SLC4A4: variants seen among roughly 807,000 people sequenced by gnomAD.
SLC4A4 encodes electrogenic sodium bicarbonate cotransporter 1.
SLC4A4 carries 27 observed loss-of-function variants against 111.5 expected under a neutral mutation model. That is an observed-to-expected ratio of 0.24 (90% CI 0.18 to 0.33). SLC4A4 has a LOEUF of 0.33. SLC4A4 is among the 10% of genes least tolerant of loss of function. The probability of loss-of-function intolerance (pLI) is 1.00; values close to 1 mark genes in which losing one functional copy is unlikely to be tolerated. For missense variants in SLC4A4, 909 were observed against 1,315.5 expected (o/e 0.69, Z 4.78); for synonymous variants, 443 against 463.4 (o/e 0.96, Z 0.57).
At chr4:71,090,064 A>C (rs1742333617) in intron 1 of SLC4A4, among the ~76,000 whole-genome samples, 1 of 151,964 alleles carries the variant, frequency 6.6e-6, no homozygotes, top group South Asian at 2.1e-4. Context: ...CTTCCTCGCC[A>C]GTTTGTTTAC....
In SLC4A4 at chr4:71,292,842, G is replaced by GTTT. The variant is rs869195687; in HGVS notation, c.253+37460_253+37462dup. On this transcript the variant is annotated intron_variant, in intron 3 of 25. Coordinates refer to ENST00000264485, the MANE Select transcript of SLC4A4 (RefSeq NM_001098484.3). ...GTATGTCTTACTTTTGGTTTTTTTT[G>GTTT]TTTTTTTTTTTTTTTTTTTGAGACA... 1.9e-3 allele frequency among the ~76,000 whole-genome samples: 204 copies of GTTT among 110,164 alleles called. 4 individuals are homozygous for GTTT. The highest frequency in any genetic ancestry group is 6.0e-3 in the South Asian group (18 of 2,986). 72.3% of individuals were successfully genotyped at this position (110,164 alleles called of 152,430 possible). A position where few individuals can be genotyped will look rare whatever the true frequency, so the allele number is the denominator to read the frequency against.
chr4:71,512,117 C>T (rs1481419111), intron 16 of SLC4A4, among the ~76,000 whole-genome samples: 1 of 152,060 alleles, frequency 6.6e-6, no homozygotes, highest in African/African-American at 2.4e-5. Context: ...ATAGTGATTT[C>T]CTTTCCTTCG....
intron 7 of SLC4A4, among the ~76,000 whole-genome samples, chr4:71,432,784 C>T (rs1165748642): frequency 1.3e-5 from 2 of 152,002 alleles, no homozygotes; most frequent in Non-Finnish European, 2.9e-5. Context: ...GATTAGTTCT[C>T]ATGCCACTTA....
intron 2 of SLC4A4, among the ~76,000 whole-genome samples, chr4:71,126,349 G>A (rs936634222): frequency 6.6e-6 from 1 of 152,106 alleles, no homozygotes; most frequent in Admixed American, 6.5e-5. Flanking sequence ...CTCATGTTAT[G>A]TTTTGACTTA....
intron 1 of SLC4A4, among the ~76,000 whole-genome samples, chr4:71,084,997 T>A (rs1742116583): frequency 6.6e-6 from 1 of 152,086 alleles, no homozygotes; most frequent in Non-Finnish European, 1.5e-5. Flanking sequence ...TCCACAATGG[T>A]TGAACTAGTT....
At chr4:71,244,025 G>T (rs1720444937) in intron 2 of SLC4A4, among the ~76,000 whole-genome samples, 1 of 152,080 alleles carries the variant, frequency 6.6e-6, no homozygotes, top group South Asian at 2.1e-4. Flanking sequence ...GAATTACATT[G>T]TTATAGATGG....
chr4:71,163,907 C>T (rs1744670032), intron 2 of SLC4A4, among the ~76,000 whole-genome samples: 1 of 152,186 alleles, frequency 6.6e-6, no homozygotes, highest in Non-Finnish European at 1.5e-5. Context: ...ATTAAGTATA[C>T]ACTCATGAAA....
chr4:71,505,008 C>A (rs1303099319), intron 16 of SLC4A4, among the ~76,000 whole-genome samples: 1 of 152,100 alleles, frequency 6.6e-6, no homozygotes, highest in East Asian at 1.9e-4. Context: ...CATTAGTTTG[C>A]TAGGGATAAA....
At chr4:71,545,338 A>G (rs1211979482) in intron 18 of SLC4A4, among the ~76,000 whole-genome samples, 1 of 152,018 alleles carries the variant, frequency 6.6e-6, no homozygotes, top group Non-Finnish European at 1.5e-5. Flanking sequence ...AACAGTCACC[A>G]GGTTCCTAGT....
At chr4:71,495,213 C>T (rs1338644626) in intron 15 of SLC4A4, among the ~76,000 whole-genome samples, 5 of 152,046 alleles carry the variant, frequency 3.3e-5, no homozygotes, top group African/African-American at 1.2e-4. Context: ...TAGTCTTCAC[C>T]TCAACCTGAA....
At chr4:71,224,841 G>C (rs764939375) in intron 1 of SLC4A4, among the ~76,000 whole-genome samples, 18 of 152,312 alleles carry the variant, frequency 1.2e-4, no homozygotes, top group Non-Finnish European at 2.2e-4. Context: ...GGTTAAAATT[G>C]TGGACTGCTA....
At chr4:71,437,620 A>G (rs768097042) in intron 7 of SLC4A4, 9 of 520,012 alleles carry the variant, frequency 1.7e-5, no homozygotes, top group African/African-American at 7.7e-5. Context: ...GCCTTCGTCA[A>G]CATCCACAAA....
intron 1 of SLC4A4, among the ~76,000 whole-genome samples, chr4:71,204,140 A>G (rs964257333): frequency 2.0e-5 from 3 of 152,196 alleles, no homozygotes; most frequent in Non-Finnish European, 2.9e-5. Context: ...GAAAAAGAAA[A>G]CATGTCCTTA....
At chr4:71,150,948 T>C (rs1437120617) in intron 2 of SLC4A4, among the ~76,000 whole-genome samples, 1 of 152,206 alleles carries the variant, frequency 6.6e-6, no homozygotes, top group Non-Finnish European at 1.5e-5. Context: ...TGAAAGACCA[T>C]GCCTCAAATT....
chr4:71,437,611 C>T (rs1164889057), intron 7 of SLC4A4: 2 of 520,290 alleles, frequency 3.8e-6, no homozygotes, highest in African/African-American at 3.9e-5. Context: ...CTTCAATTTG[C>T]CTTCGTCAAC....
At chr4:71,297,074 G>T (rs1239393009) in intron 3 of SLC4A4, among the ~76,000 whole-genome samples, 1 of 152,216 alleles carries the variant, frequency 6.6e-6, no homozygotes, top group African/African-American at 2.4e-5. Context: ...ATACCAAGTG[G>T]CTAAGCTTAG....
At chr4:71,379,702 G>C (rs1029252516) in intron 6 of SLC4A4, among the ~76,000 whole-genome samples, 1 of 152,148 alleles carries the variant, frequency 6.6e-6, no homozygotes, top group African/African-American at 2.4e-5. Context: ...CACACGCTTA[G>C]ACAAACATTC....
At chr4:71,236,499 C>T (rs1719819280) in intron 1 of SLC4A4, 77 bp from the exon 2 acceptor site, 2 of 1,354,138 alleles carry the variant, frequency 1.5e-6, no homozygotes, top group Middle Eastern at 2.2e-4. Flanking sequence ...GGTTAACCTG[C>T]CCAGAAGCTG....
intron 2 of SLC4A4, among the ~76,000 whole-genome samples, chr4:71,177,564 G>A (rs979820868): frequency 4.0e-4 from 61 of 152,264 alleles, no homozygotes; most frequent in African/African-American, 1.3e-3. Context: ...AACCAACAGA[G>A]ATCAAAAGAG....
Sources: gnomAD v4.1 joint callset for allele counts (sites outside exome capture counted in the v4.1 genomes callset) on GRCh38, gnomAD v4.1.1 for gene constraint, MANE v1.5 for transcripts, NCBI Gene and HGNC (gene_info 2026-07-23, HGNC 2026-07-21) for gene names.